AKT3: variants seen among roughly 807,000 people sequenced by gnomAD.
The protein encoded by AKT3 is RAC-gamma serine/threonine-protein kinase.
AKT3 carries 15 observed loss-of-function variants against 65.3 expected under a neutral mutation model. The ratio of observed to expected loss-of-function variants is 0.23; its 90% confidence interval spans 0.15 to 0.35. The LOEUF (loss-of-function observed/expected upper bound fraction) is 0.35, where lower values mean the gene tolerates loss of function less well. Ranked by LOEUF, AKT3 falls within the 10% of genes least tolerant of loss-of-function variation. The pLI is 1.00. For missense variants in AKT3, 243 were observed against 576.5 expected (o/e 0.42, Z 5.92); for synonymous variants, 206 against 183.8 (o/e 1.12, Z -0.98).
rs1672936570 is a variant in AKT3, at chr1:243,550,010, CCTAG to C, written c.1163+2715_1163+2718del. On this transcript the variant is annotated intron_variant, in intron 11 of 13. Coordinates refer to ENST00000673466, the MANE Select transcript of AKT3 (RefSeq NM_005465.7). ...CTCAAATGCCATGTTCTTTTGCAAT[CCTAG>C]CTATACTCTACATGTAAATTTCTGT... Among the ~76,000 whole-genome samples, 3 of 152,200 alleles carry C rather than the reference CCTAG, an allele frequency of 2.0e-5. 1 individual carries two copies. The highest frequency in any genetic ancestry group is 7.2e-5 in the African/African-American group (3 of 41,448).
intron 9 of AKT3, among the ~76,000 whole-genome samples, chr1:243,572,409 C>T (rs1049110223): frequency 3.9e-5 from 6 of 152,118 alleles, no homozygotes; most frequent in Admixed American, 2.6e-4. Context: ...CCCTAAGGGT[C>T]TCATCATAAT....
At chr1:243,792,266 T>C (rs1483187135) in intron 2 of AKT3, among the ~76,000 whole-genome samples, 4 of 148,610 alleles carry the variant, frequency 2.7e-5, no homozygotes, top group African/African-American at 1.0e-4. Context: ...ACCATTAAAT[T>C]TCTATTAATT....
rs953922505 is a variant in AKT3, at chr1:243,500,397, G to A, written c.*4852C>T. On this transcript the variant is annotated 3_prime_UTR_variant, in exon 14 of 14. Transcript: ENST00000673466. ...CAGACAAAAAAGCATCTTTGGCTCG[G>A]TGGTGTCAGATTTTTTTCTTCAATA... The A allele has an allele frequency of 4.4e-6, 1 of 225,260 alleles. No individual in the cohort carries two copies. The highest frequency in any genetic ancestry group is 8.8e-6 in the Non-Finnish European group (1 of 113,338). 14.0% of individuals were successfully genotyped at this position (225,260 alleles called of 1,614,324 possible).
chr1:243,509,496 A>G (rs912588598), intron 13 of AKT3, among the ~76,000 whole-genome samples: 1 of 152,166 alleles, frequency 6.6e-6, no homozygotes, highest in African/African-American at 2.4e-5. Flanking sequence ...ATGACTGACT[A>G]GCCTAAGAGT....
intron 2 of AKT3, among the ~76,000 whole-genome samples, chr1:243,781,888 T>C (rs1365513450): frequency 6.6e-6 from 1 of 152,284 alleles, no homozygotes; most frequent in Admixed American, 6.5e-5. Flanking sequence ...AGTGGCACAA[T>C]CACAGCTCAC....
At chr1:243,755,332 C>T (rs759589944) in intron 2 of AKT3, among the ~76,000 whole-genome samples, 8 of 151,820 alleles carry the variant, frequency 5.3e-5, no homozygotes, top group Non-Finnish European at 1.2e-4. Flanking sequence ...GCCTCGGCCA[C>T]CAAAGTGCTA....
At chr1:243,773,590 G>A (rs1478822702) in intron 2 of AKT3, among the ~76,000 whole-genome samples, 1 of 152,004 alleles carries the variant, frequency 6.6e-6, no homozygotes, top group Non-Finnish European at 1.5e-5. Flanking sequence ...TAGTGACTGT[G>A]CCCCAGCCTG....
chr1:243,810,496 A>T (rs1305460922), intron 2 of AKT3, among the ~76,000 whole-genome samples: 10 of 152,266 alleles, frequency 6.6e-5, no homozygotes, highest in African/African-American at 9.6e-5. Flanking sequence ...AATCTCTGAA[A>T]GGACCAATAA....
At chr1:243,756,914 T>C (rs988364865) in intron 2 of AKT3, among the ~76,000 whole-genome samples, 5 of 152,134 alleles carry the variant, frequency 3.3e-5, no homozygotes, top group African/African-American at 4.8e-5. Flanking sequence ...GAACAAAACA[T>C]CACTTTTGTG....
intron 8 of AKT3, among the ~76,000 whole-genome samples, chr1:243,585,416 A>AATT (rs1327996663): frequency 7.2e-5 from 11 of 152,172 alleles, no homozygotes; most frequent in African/African-American, 2.7e-4. Context: ...AAACCAAAAA[A>AATT]GAGCCAGAAT....
chr1:243,826,676 A>ATC (rs1204537321), intron 2 of AKT3, among the ~76,000 whole-genome samples: 10 of 152,192 alleles, frequency 6.6e-5, no homozygotes, highest in African/African-American at 2.4e-4. Flanking sequence ...GATAGCTTCA[A>ATC]TCTCTGATGA....
At chr1:243,527,870 A>AACACACACACAC (rs56956606) in intron 12 of AKT3, among the ~76,000 whole-genome samples, 5 of 99,252 alleles carry the variant, frequency 5.0e-5, no homozygotes, top group Admixed American at 2.3e-4. Flanking sequence ...CATCTCTTAA[A>AACACACACACAC]ACACACACAC....
chr1:243,637,260 T>C (rs1572071859), intron 6 of AKT3, among the ~76,000 whole-genome samples: 1 of 152,112 alleles, frequency 6.6e-6, no homozygotes, highest in Non-Finnish European at 1.5e-5. Flanking sequence ...GTAAAAATCA[T>C]CTACACTAGT....
intron 4 of AKT3, among the ~76,000 whole-genome samples, chr1:243,651,091 T>C (rs374632173): frequency 6.6e-6 from 1 of 152,192 alleles, no homozygotes; most frequent in East Asian, 1.9e-4. Flanking sequence ...CAGTGGTTTG[T>C]AGTTCTCCTT....
At chr1:243,605,200 T>C (rs1677308147) in intron 8 of AKT3, among the ~76,000 whole-genome samples, 1 of 151,200 alleles carries the variant, frequency 6.6e-6, no homozygotes, top group Non-Finnish European at 1.5e-5. Context: ...TGGCTAACTT[T>C]TTTTTTTTTT....
chr1:243,766,990 T>C (rs1689869528), intron 2 of AKT3, among the ~76,000 whole-genome samples: 2 of 152,146 alleles, frequency 1.3e-5, no homozygotes, highest in African/African-American at 2.4e-5. Flanking sequence ...ATGGGGAAGT[T>C]TTTTTCAACT....
chr1:243,531,507 A>G (rs1435324669), intron 12 of AKT3, among the ~76,000 whole-genome samples: 1 of 152,190 alleles, frequency 6.6e-6, no homozygotes, highest in Non-Finnish European at 1.5e-5. Flanking sequence ...ATATTTTGTC[A>G]TAAATACAAT....
At chr1:243,575,170 T>A (rs2148512301) in intron 8 of AKT3, among the ~76,000 whole-genome samples, 1 of 152,308 alleles carries the variant, frequency 6.6e-6, no homozygotes, top group East Asian at 1.9e-4. Context: ...ATCTGAAGCT[T>A]AGGACATCAC....
chr1:243,785,682 T>C (rs141075600), intron 2 of AKT3, among the ~76,000 whole-genome samples: 230 of 152,312 alleles, frequency 1.5e-3, no homozygotes, highest in Non-Finnish European at 2.7e-3. Flanking sequence ...TAGGATGCGT[T>C]CATATTGCTA....
Sources: allele counts gnomAD v4.1 joint callset (sites outside exome capture counted in the v4.1 genomes callset), GRCh38; gene constraint gnomAD v4.1.1; transcripts MANE v1.5; gene names NCBI Gene and HGNC (gene_info 2026-07-23, HGNC 2026-07-21).